PLK4: variants seen among roughly 807,000 people sequenced by gnomAD.
The protein encoded by PLK4 is polo like kinase 4.
Under a neutral mutation model 103.0 loss-of-function variants are expected in PLK4, and 51 were observed. That is an observed-to-expected ratio of 0.50 (90% CI 0.40 to 0.63). PLK4 has a LOEUF of 0.63. PLK4 is among the 20% of genes least tolerant of loss of function. The pLI, the probability that PLK4 is intolerant of heterozygous loss-of-function variation, is 0.00. For missense variants in PLK4, 1,054 were observed against 1,151.0 expected (o/e 0.92, Z 1.22); for synonymous variants, 389 against 376.8 (o/e 1.03, Z -0.38).
At position 127,886,651 on chromosome 4, in the gene PLK4, C is replaced by T. The variant is rs1735146479; in HGVS notation, c.1281C>T (p.Ala427=). The change falls in exon 5 of 16, where the codon GCC becomes GCT. Residue 427 remains alanine (A), a synonymous_variant. Coordinates refer to ENST00000270861, the MANE Select transcript of PLK4 (RefSeq NM_014264.5). ...GGTACTCACCCACAGACAACAATGC[C>T]AACATTTTTAACTTCTTTAAAGAAA... ...EERYSPTDNN[A]NIFNFFKEKT... is the part of the protein sequence containing the mutation. 2 of 1,613,046 alleles carry T rather than the reference C, an allele frequency of 1.2e-6. No individual in the cohort carries two copies. The highest frequency in any genetic ancestry group is 1.7e-6 in the Non-Finnish European group (2 of 1,179,190).
chr4:127,896,927 G>A lies in PLK4; in HGVS notation c.2810+20G>A. ...AACTAGGTAAGTTCTTAAAATACTG[G>A]TCGAGATTCAGCCCTTTGCTATAAT... is the stretch of plus-strand genomic sequence containing the variant. On this transcript the variant is annotated intron_variant, in intron 15 of 15. Transcript: ENST00000270861. 1 of 1,273,100 alleles carries A rather than the reference G, an allele frequency of 7.9e-7. No individual in the cohort carries two copies. 78.9% of individuals were successfully genotyped at this position (1,273,100 alleles called of 1,614,324 possible).
intron 9 of PLK4, chr4:127,891,973 TA>T (rs1468037656): frequency 8.6e-5 from 19 of 219,942 alleles, no homozygotes; most frequent in East Asian, 1.9e-4. Flanking sequence ...ATAGTTATGT[TA>T]AAAAAAATTC....
At chr4:127,884,667 G>A (rs1368537850) in intron 4 of PLK4, among the ~76,000 whole-genome samples, 1 of 152,108 alleles carries the variant, frequency 6.6e-6, no homozygotes, top group Non-Finnish European at 1.5e-5. Context: ...AGCCGGGCAC[G>A]GTGGCTCATG....
At chr4:127,881,272 A>T in intron 1 of PLK4, 108 bp downstream of exon 1, 3 of 1,578,160 alleles carry the variant, frequency 1.9e-6, no homozygotes, top group Admixed American at 1.9e-5. Context: ...CGGGGCGGGC[A>T]CCGAGGTGCT....
chr4:127,893,456 AATG>A (rs759711999), intron 11 of PLK4, 38 bp downstream of exon 11: 6 of 1,599,006 alleles, frequency 3.8e-6, no homozygotes, highest in Non-Finnish European at 4.3e-6. Context: ...ACCAATTAAT[AATG>A]ATTGCAAATG....
At chr4:127,888,214 C>CAAAAAAAAAA (rs1304799289) in intron 6 of PLK4, among the ~76,000 whole-genome samples, 9 of 38,856 alleles carry the variant, frequency 2.3e-4, no homozygotes, top group East Asian at 5.4e-4. Flanking sequence ...AAAAAAAAAG[C>CAAAAAAAAAA]ATTTTCAGTA....
intron 14 of PLK4, among the ~76,000 whole-genome samples, chr4:127,895,544 C>T (rs1255824912): frequency 3.5e-5 from 5 of 144,222 alleles, no homozygotes; most frequent in African/African-American, 5.2e-5. Context: ...GCCTCAGCCT[C>T]CCGAGTAGCT....
chr4:127,897,474 A>G (rs913738376), intron 15 of PLK4, among the ~76,000 whole-genome samples: 3 of 152,252 alleles, frequency 2.0e-5, no homozygotes, highest in Admixed American at 6.5e-5. Context: ...TACTAAAAGT[A>G]GGGTACTGAC....
At chr4:127,892,543 T>C in intron 10 of PLK4, 29 bp downstream of exon 10, 1 of 1,572,372 alleles carries the variant, frequency 6.4e-7, no homozygotes, top group South Asian at 1.2e-5. Flanking sequence ...TGGTAATTTG[T>C]TCCTTTAGTT....
intron 15 of PLK4, among the ~76,000 whole-genome samples, chr4:127,897,696 G>C (rs1175229782): frequency 6.6e-6 from 1 of 152,020 alleles, no homozygotes; most frequent in Non-Finnish European, 1.5e-5. Flanking sequence ...GATGCAAAGT[G>C]GGTAAAACCC....
chr4:127,894,879 A>G, intron 13 of PLK4, 74 bp from the exon 14 acceptor site: 1 of 994,612 alleles, frequency 1.0e-6, no homozygotes, highest in Non-Finnish European at 1.4e-6. Context: ...AAATCTCATA[A>G]TTGTCTGCTT....
Position 127,886,490 on chromosome 4 carries a change from C to G in PLK4, c.1120C>G (p.Arg374Gly). 6.2e-7 allele frequency: 1 copy of G among 1,613,802 alleles called. No individual in the cohort carries two copies. Among genetic ancestry groups the G allele is most frequent in the East Asian group, 2.2e-5 (1 of 44,874 alleles). ...AGAAAGGCCACATTCTCGATACCTT[C>G]GTAGAGCTTATTCCTCTGATAGATC... is the stretch of plus-strand genomic sequence containing the variant. ...AEERPHSRYLRRAYSSDRSGT... is the reference protein window; with the variant it reads ...AEERPHSRYLGRAYSSDRSGT... The change falls in exon 5 of 16, where the codon CGT (arginine) becomes GGT (glycine). Residue 374 changes from arginine (R) to glycine (G), a missense_variant. Around this residue, in one of 4 missense-constraint regions of PLK4, gnomAD observed 680 missense variants for 660.3 expected, o/e 1.03. Transcript: ENST00000270861.
intron 14 of PLK4, among the ~76,000 whole-genome samples, chr4:127,896,065 G>A (rs576535987): frequency 6.6e-6 from 1 of 152,260 alleles, no homozygotes; most frequent in Non-Finnish European, 1.5e-5. Flanking sequence ...CTTTATGGGG[G>A]TAGGTAACAT....
At chr4:127,893,208 T>A (rs1042639709) in intron 10 of PLK4, 77 bp from the exon 11 acceptor site, 1 of 869,906 alleles carries the variant, frequency 1.1e-6, no homozygotes, top group African/African-American at 1.7e-5. Flanking sequence ...CATTATATAC[T>A]GGTATGATAA....
chr4:127,890,493 AT>A (rs1396949359), intron 7 of PLK4, among the ~76,000 whole-genome samples: 2 of 152,176 alleles, frequency 1.3e-5, no homozygotes, highest in African/African-American at 4.8e-5. Flanking sequence ...AATGAAAAAC[AT>A]TTTAAAATAA....
intron 6 of PLK4, among the ~76,000 whole-genome samples, chr4:127,888,316 A>C (rs1047849011): frequency 1.2e-4 from 19 of 152,056 alleles, no homozygotes; most frequent in African/African-American, 1.9e-4. Context: ...TCTCACAAAA[A>C]AACATGAGGA....
At chr4:127,894,709 G>C (rs1735497096) in intron 13 of PLK4, among the ~76,000 whole-genome samples, 2 of 152,048 alleles carry the variant, frequency 1.3e-5, no homozygotes, top group African/African-American at 4.8e-5. Flanking sequence ...TACACAAAAA[G>C]AACATGCCAT....
In PLK4 at chr4:127,886,284, G is replaced by C; in HGVS notation, c.914G>C (p.Ser305Thr). 1 of 1,613,482 alleles carries C rather than the reference G, an allele frequency of 6.2e-7. No individual in the cohort carries two copies. The highest frequency in any genetic ancestry group is 8.5e-7 in the Non-Finnish European group (1 of 1,179,470). Residue 305 changes from serine to threonine, a missense_variant, in exon 5 of 16, where the codon AGT (serine) becomes ACT (threonine). Physicochemically the swap from Ser to Thr is moderately conservative, Grantham distance 58 (BLOSUM62 1). Around this residue, in one of 4 missense-constraint regions of PLK4, gnomAD observed 680 missense variants for 660.3 expected, o/e 1.03. Transcript: ENST00000270861. The part of the protein sequence containing the change: ...TASSSTSISG[S>T]LFDKRRLLIG... ...TCTTCCAGTACCAGTATAAGTGGTA[G>C]TTTATTTGACAAAAGAAGACTTTTG...
chr4:127,887,381 T>G lies in PLK4; in HGVS notation c.1359-15T>G. On this transcript the variant is annotated splice_polypyrimidine_tract_variant and intron_variant, in intron 5 of 15. Coordinates refer to ENST00000270861, the MANE Select transcript of PLK4 (RefSeq NM_014264.5). ...TTTTTATTAGTTTATGGGATTTTTT[T>G]GTTTGTTTGTTTAGCTCCAATCATC... 2 of 1,485,572 alleles carry G rather than the reference T, an allele frequency of 1.3e-6. No homozygotes were observed. The highest frequency in any genetic ancestry group is 1.9e-6 in the Non-Finnish European group (2 of 1,075,912). The allele number at this position is 1,485,572 out of a possible 1,614,324, so 92.0% of individuals were successfully genotyped here.
Sources: allele counts gnomAD v4.1 joint callset (sites outside exome capture counted in the v4.1 genomes callset), GRCh38; gene constraint gnomAD v4.1.1; regional missense constraint gnomAD v4.1.1; transcripts MANE v1.5; gene names NCBI Gene and HGNC (gene_info 2026-07-23, HGNC 2026-07-21).